DCC: variants seen among roughly 807,000 people sequenced by gnomAD.
The protein encoded by DCC is DCC netrin 1 receptor.
DCC carries 58 observed loss-of-function variants against 172.5 expected under a neutral mutation model. That is an observed-to-expected ratio of 0.34 (90% CI 0.27 to 0.42). The LOEUF (loss-of-function observed/expected upper bound fraction) is 0.42, where lower values mean the gene tolerates loss of function less well. Among genes scored for constraint, DCC ranks in the 10% least tolerant of loss-of-function variants. DCC has a pLI of 1.00. For missense variants in DCC, 1,740 were observed against 1,791.0 expected, an observed-to-expected ratio of 0.97 and a Z score of 0.51; for synonymous variants, 709 against 644.5, an observed-to-expected ratio of 1.10 and a Z score of -1.52.
At chr18:53,052,019 C>G (rs2042340870) in intron 5 of DCC, among the ~76,000 whole-genome samples, 1 of 151,910 alleles carries the variant, frequency 6.6e-6, no homozygotes, top group Admixed American at 6.6e-5. Context: ...ACAAACTCAG[C>G]CCTAATTACT....
chr18:53,090,172 T>C (rs1433960340), intron 7 of DCC, among the ~76,000 whole-genome samples: 1 of 152,218 alleles, frequency 6.6e-6, no homozygotes, highest in Non-Finnish European at 1.5e-5. Context: ...TATATTAAAA[T>C]GTCTTTTGTT....
At chr18:53,098,790 T>C (rs963911068) in intron 7 of DCC, among the ~76,000 whole-genome samples, 1 of 152,146 alleles carries the variant, frequency 6.6e-6, no homozygotes, top group Non-Finnish European at 1.5e-5. Flanking sequence ...GAGAATTGTT[T>C]GAGCCTAGTA....
At chr18:52,574,645 T>C (rs190993001) in intron 1 of DCC, among the ~76,000 whole-genome samples, 152 of 152,304 alleles carry the variant, frequency 1.0e-3, no homozygotes, top group Non-Finnish European at 1.9e-3. Context: ...AGATTTAATG[T>C]AGTTTGAAAC....
intron 7 of DCC, among the ~76,000 whole-genome samples, chr18:53,137,762 A>G (rs534967362): frequency 6.6e-6 from 1 of 152,216 alleles, no homozygotes; most frequent in South Asian, 2.1e-4. Flanking sequence ...ATTTATATAC[A>G]TATACTTAAT....
At chr18:52,526,472 C>T (rs62081336) in intron 1 of DCC, among the ~76,000 whole-genome samples, 8,801 of 151,206 alleles carry the variant, frequency 0.058, 326 homozygotes, top group Middle Eastern at 0.11. Context: ...AACATTTGAT[C>T]TTTAAGAGGT....
chr18:53,205,203 T>A lies in DCC; in HGVS notation c.1574-13T>A, dbSNP rs761647568. The A allele has an allele frequency of 6.2e-7, 1 of 1,605,312 alleles. No homozygotes were observed. The highest frequency in any genetic ancestry group is 1.7e-5 in the Admixed American group (1 of 59,988). Reference sequence around the variant, plus strand: ...ATCACTTTTCTTTCTTTCTTTATTATTTTTTTATACAGTGCAAGTTCCAGG... The same window carrying A: ...ATCACTTTTCTTTCTTTCTTTATTAATTTTTTATACAGTGCAAGTTCCAGG... On this transcript the variant is annotated splice_polypyrimidine_tract_variant and intron_variant, in intron 9 of 28. Coordinates refer to ENST00000442544, the MANE Select transcript of DCC (RefSeq NM_005215.4).
chr18:52,623,254 A>G lies in DCC; in HGVS notation c.92-128800A>G, dbSNP rs550898561. On this transcript the variant is annotated intron_variant, in intron 1 of 28. Coordinates refer to ENST00000442544, the MANE Select transcript of DCC (RefSeq NM_005215.4). ...CAGTTAAATATTTTCCTCACATGTC[A>G]TCTTAAGTAGTAAGGGAAGAAACTC... 7.9e-5 allele frequency among the ~76,000 whole-genome samples: 12 copies of G among 152,204 alleles called. No individual in the cohort carries two copies. In the East Asian group the frequency reaches 1.9e-3, roughly 24 times the overall value.
At chr18:53,452,312 A>G (rs1212978606) in intron 23 of DCC, among the ~76,000 whole-genome samples, 1 of 152,242 alleles carries the variant, frequency 6.6e-6, no homozygotes, top group Non-Finnish European at 1.5e-5. Flanking sequence ...CTTTCAAGAC[A>G]CTGAAGCATT....
At position 53,497,791 on chromosome 18, in the gene DCC, A is replaced by G. The variant is rs540864691; in HGVS notation, c.3899-1507A>G. On this transcript the variant is annotated intron_variant, in intron 26 of 28. Transcript: ENST00000442544. ...TGGTTTACTTGCAGCCCTACACTTT[A>G]TCCTTAATACTGTGCATTCATTTGC... Among the ~76,000 whole-genome samples, 6 of 152,322 alleles carry G rather than the reference A, an allele frequency of 3.9e-5. No homozygotes were observed. In the East Asian group the frequency reaches 1.2e-3, roughly 29 times the overall value.
chr18:53,109,437 T>C (rs1404935515), intron 7 of DCC, among the ~76,000 whole-genome samples: 3 of 151,722 alleles, frequency 2.0e-5, no homozygotes, highest in Non-Finnish European at 4.4e-5. Flanking sequence ...AAAAATATTT[T>C]ATAGTTTTCT....
intron 1 of DCC, among the ~76,000 whole-genome samples, chr18:52,599,549 A>ATTTTT (rs1216327231): frequency 1.3e-5 from 2 of 151,710 alleles, no homozygotes; most frequent in East Asian, 3.9e-4. Context: ...ATTTTATTTT[A>ATTTTT]TAAAGCCCAG....
chr18:53,082,932 T>A (rs3922754), intron 7 of DCC, among the ~76,000 whole-genome samples: 1 of 151,754 alleles, frequency 6.6e-6, no homozygotes, highest in African/African-American at 2.4e-5. Context: ...AAATTCTACA[T>A]CTCACTGAAT....
intron 15 of DCC, among the ~76,000 whole-genome samples, chr18:53,341,778 A>G (rs1488610437): frequency 6.6e-6 from 1 of 152,204 alleles, no homozygotes; most frequent in Non-Finnish European, 1.5e-5. Flanking sequence ...TTATAAAGAT[A>G]AGGATTTATT....
intron 2 of DCC, among the ~76,000 whole-genome samples, chr18:52,850,926 T>C (rs953665037): frequency 2.6e-5 from 4 of 152,140 alleles, no homozygotes; most frequent in Non-Finnish European, 1.5e-5. Flanking sequence ...ATTTGTCTTT[T>C]TATCTTTTCT....
intron 1 of DCC, among the ~76,000 whole-genome samples, chr18:52,487,402 T>G (rs2030279507): frequency 6.6e-6 from 1 of 152,282 alleles, no homozygotes; most frequent in South Asian, 2.1e-4. Context: ...AGTTAACACA[T>G]CTATAAAATC....
intron 14 of DCC, among the ~76,000 whole-genome samples, chr18:53,333,754 G>T (rs2057559530): frequency 6.6e-6 from 1 of 152,130 alleles, no homozygotes; most frequent in Admixed American, 6.5e-5. Context: ...GATCTTAATT[G>T]CAGTTTTCTA....
chr18:53,502,184 CTAGAGTTTTTGTTTGATTT>C (rs1186527359), intron 27 of DCC, among the ~76,000 whole-genome samples: 1 of 152,052 alleles, frequency 6.6e-6, no homozygotes, highest in Non-Finnish European at 1.5e-5. Context: ...ATATCTCTGG[CTAGAGTTTTTGTTTGATTT>C]TATGTTTTTT....
At chr18:53,018,170 A>G (rs2041834130) in intron 5 of DCC, among the ~76,000 whole-genome samples, 1 of 152,202 alleles carries the variant, frequency 6.6e-6, no homozygotes, top group Admixed American at 6.5e-5. Context: ...AAAGTTTAAT[A>G]ATAATAAGAA....
chr18:52,624,514 G>C (rs1487645358), intron 1 of DCC, among the ~76,000 whole-genome samples: 1 of 152,058 alleles, frequency 6.6e-6, no homozygotes, highest in African/African-American at 2.4e-5. Flanking sequence ...TTTTTCTGTT[G>C]GAACAAGCTT....
Sources: allele counts gnomAD v4.1 joint callset (sites outside exome capture counted in the v4.1 genomes callset), GRCh38; gene constraint gnomAD v4.1.1; transcripts MANE v1.5; gene names NCBI Gene and HGNC (gene_info 2026-07-23, HGNC 2026-07-21).